Variants in SIRPG observed in about 807,000 individuals in gnomAD.
The protein encoded by SIRPG is signal regulatory protein gamma.
A neutral mutation model predicts 35.7 loss-of-function variants in SIRPG; 38 were observed. The observed-to-expected ratio is 1.06, with a 90% CI of 0.82 to 1.40. The LOEUF (loss-of-function observed/expected upper bound fraction) is 1.40. Ranked by LOEUF, SIRPG falls within the 40% of genes most tolerant of loss-of-function variation. The pLI is 0.00. For synonymous variants in SIRPG, 215 were observed against 190.4 expected, an observed-to-expected ratio of 1.13 and a Z score of -1.06; for missense variants, 519 against 483.0, an observed-to-expected ratio of 1.07 and a Z score of -0.70.
intron 1 of SIRPG, among the ~76,000 whole-genome samples, chr20:1,651,708 C>T (rs1472797539): frequency 6.6e-6 from 1 of 152,064 alleles, no homozygotes; most frequent in Non-Finnish European, 1.5e-5. Flanking sequence ...CTGATTGGCT[C>T]CACAATTTGA....
the SIRPG span, among the ~76,000 whole-genome samples, chr20:1,664,535 T>C: frequency 6.6e-6 from 1 of 152,148 alleles, no homozygotes; most frequent in African/African-American, 2.4e-5. Context: ...AGGGGGATGC[T>C]GTGAGTCAGT....
Position 1,657,706 on chromosome 20 carries a change from G to C in SIRPG, c.9C>G (p.Val3=). MP[V]PASWPHPPGP... is the part of the protein sequence containing the mutation. ...CAGGAGGATGGGGCCAGGAGGCTGG[G>C]ACAGGCATTTTGGAGACCTCAGAAG... is the stretch of plus-strand genomic sequence containing the variant. The change falls in exon 1 of 6, where the codon GTC becomes GTG. Residue 3 remains valine (V), a synonymous_variant. Transcript: ENST00000303415. 1 of 1,614,166 alleles carries C rather than the reference G, an allele frequency of 6.2e-7. No homozygotes were observed. The highest frequency in any genetic ancestry group is 8.5e-7 in the Non-Finnish European group (1 of 1,180,010).
chr20:1,655,584 T>C (rs2091970360), intron 1 of SIRPG, among the ~76,000 whole-genome samples: 1 of 152,132 alleles, frequency 6.6e-6, no homozygotes, highest in South Asian at 2.1e-4. Flanking sequence ...ATAAGAGAAA[T>C]AAGTTCAAGA....
rs773575376 is a variant in SIRPG, at chr20:1,635,544, G to A, written c.804C>T (p.Asn268=). ...AGAACTTCCTCACCTGGCAGGTGACGTTTACCTGGTTCCCCACCCTCATGG... is the reference window on the plus strand; with the variant it reads ...AGAACTTCCTCACCTGGCAGGTGACATTTACCTGGTTCCCCACCCTCATGG... ...QQPMRVGNQV[N]VTCQVRKFYP... Residue 268 remains asparagine (N), a synonymous_variant, in exon 4 of 6, where the codon AAC becomes AAT. Transcript: ENST00000303415. 5.6e-6 allele frequency: 9 copies of A among 1,614,130 alleles called. No individual in the cohort carries two copies. The highest frequency in any genetic ancestry group is 4.5e-5 in the East Asian group (2 of 44,888).
At chr20:1,666,126 GAA>G in the SIRPG span, among the ~76,000 whole-genome samples, 14 of 116,906 alleles carry the variant, frequency 1.2e-4, no homozygotes, top group South Asian at 1.3e-3. Flanking sequence ...GTTTAAAAAA[GAA>G]AAAAAAAAAA....
the SIRPG span, among the ~76,000 whole-genome samples, chr20:1,668,255 T>TTCTTTC: frequency 1.4e-5 from 2 of 140,074 alleles, no homozygotes; most frequent in African/African-American, 5.3e-5. Flanking sequence ...TTCTTTTTCT[T>TTCTTTC]TTTCTTTTTC....
In SIRPG at chr20:1,649,310, G is replaced by A. The variant is rs1056739709; in HGVS notation, c.172C>T (p.Leu58=). The change falls in exon 2 of 6, where the codon CTG becomes TTG. Residue 58 remains leucine (L), a synonymous_variant. Coordinates refer to ENST00000303415, the MANE Select transcript of SIRPG (RefSeq NM_018556.4). ...CACAGGACGGGTCCCACGGGAAGCA[G>A]GGAGGTCACAGTGCAGTGCAGAGTG... ...TATLHCTVTS[L]LPVGPVLWFR... 6.8e-6 allele frequency: 11 copies of A among 1,614,150 alleles called. No homozygotes were observed. The African/African-American group carries it at 1.1e-4, about 16-fold the overall frequency.
intron 2 of SIRPG, among the ~76,000 whole-genome samples, chr20:1,644,404 C>A (rs6110763): frequency 0.022 from 3,318 of 152,330 alleles, 113 homozygotes; most frequent in African/African-American, 0.075. Flanking sequence ...AGCCATCTAG[C>A]CTCCCTGGCT....
At chr20:1,651,899 C>T (rs927882240) in intron 1 of SIRPG, among the ~76,000 whole-genome samples, 2 of 152,168 alleles carry the variant, frequency 1.3e-5, no homozygotes, top group Non-Finnish European at 2.9e-5. Context: ...AAAGAAGACT[C>T]ATGTGATACT....
rs984858770 is a variant in SIRPG at position 1,630,313 on chromosome 20, A to G, written c.1082-7T>C. On this transcript the variant is annotated splice_polypyrimidine_tract_variant and splice_region_variant and intron_variant, in intron 4 of 5. Transcript: ENST00000303415. ...GTAAGGGATGATGCCGGGCCTGGAA[A>G]TCAGGGAAGACGAGGGGCTATGAGA... The G allele has an allele frequency of 5.8e-6, 9 of 1,553,838 alleles. No homozygotes were observed. The highest frequency in any genetic ancestry group is 7.8e-6 in the Non-Finnish European group (9 of 1,147,888).
rs1471293832 is a variant in SIRPG at position 1,635,447 on chromosome 20, T to G, written c.901A>C (p.Thr301Pro). Residue 301 changes from threonine to proline, a missense_variant, in exon 4 of 6, where the codon ACA (threonine) becomes CCA (proline). By Grantham distance (38) the Thr-to-Pro change is conservative. Coordinates refer to ENST00000303415, the MANE Select transcript of SIRPG (RefSeq NM_018556.4). ...TTGTAGGTACCATCCTTGTTCTCTG[T>G]AAGGGTCGAGGCTGTTTCTCTCTGG... is the stretch of plus-strand genomic sequence containing the variant. ...VCQRETASTL[T>P]ENKDGTYNWT... The G allele has an allele frequency of 6.2e-7, 1 of 1,614,138 alleles. No homozygotes were observed. Among genetic ancestry groups the G allele is most frequent in the South Asian group, 1.1e-5 (1 of 91,078 alleles).
chr20:1,665,278 TAC>T, the SIRPG span: 1 of 165,838 alleles, frequency 6.0e-6, no homozygotes, highest in Non-Finnish European at 1.3e-5. Flanking sequence ...TCCCCACACT[TAC>T]AGTCAGGCCT....
chr20:1,643,608 C>A (rs1438078627), intron 2 of SIRPG, among the ~76,000 whole-genome samples: 2 of 152,236 alleles, frequency 1.3e-5, no homozygotes, highest in East Asian at 1.9e-4. Flanking sequence ...AGTTTTGCAC[C>A]CCTGCTGGAG....
At chr20:1,663,904 C>T in the SIRPG span, among the ~76,000 whole-genome samples, 15 of 152,254 alleles carry the variant, frequency 9.9e-5, no homozygotes, top group Non-Finnish European at 1.5e-4. Context: ...TAAAGAAATA[C>T]CTGAGGCTGG....
chr20:1,652,520 C>T (rs977758418), intron 1 of SIRPG, among the ~76,000 whole-genome samples: 1 of 152,070 alleles, frequency 6.6e-6, no homozygotes, highest in African/African-American at 2.4e-5. Context: ...GTATTTATTC[C>T]TGGAATATGA....
the SIRPG span, among the ~76,000 whole-genome samples, chr20:1,682,915 G>A: frequency 6.6e-6 from 1 of 152,020 alleles, no homozygotes. Flanking sequence ...AATGAATGTG[G>A]GATTACATAC....
chr20:1,668,010 A>G, the SIRPG span, among the ~76,000 whole-genome samples: 1 of 152,206 alleles, frequency 6.6e-6, no homozygotes, highest in Admixed American at 6.5e-5. Flanking sequence ...ATTACTCAGG[A>G]TGTATCCCCT....
At chr20:1,681,948 T>C in the SIRPG span, among the ~76,000 whole-genome samples, 9 of 88,646 alleles carry the variant, frequency 1.0e-4, no homozygotes, top group Non-Finnish European at 2.1e-4. Context: ...TGGATATGGA[T>C]ATAACTAATA....
Position 1,657,773 on chromosome 20 carries a change from C to T in SIRPG, c.-59G>A. The T allele has an allele frequency of 2.0e-6, 3 of 1,518,916 alleles. No individual in the cohort carries two copies. Among genetic ancestry groups the T allele is most frequent in the Non-Finnish European group, 2.7e-6 (3 of 1,101,830 alleles). 94.1% of individuals were successfully genotyped at this position (1,518,916 alleles called of 1,614,324 possible). A position where few individuals can be genotyped will look rare whatever the true frequency, so the allele number is the denominator to read the frequency against. On this transcript the variant is annotated 5_prime_UTR_variant, in exon 1 of 6. Transcript: ENST00000303415. Reference sequence around the variant, plus strand: ...GTCTGTTCTGGGGAGATGTCAGGCCCTGCTCTGAAGACAGAAGACAAGCCC... The same window carrying T: ...GTCTGTTCTGGGGAGATGTCAGGCCTTGCTCTGAAGACAGAAGACAAGCCC...
Sources: allele counts gnomAD v4.1 joint callset (sites outside exome capture counted in the v4.1 genomes callset), GRCh38; gene constraint gnomAD v4.1.1; transcripts MANE v1.5; gene names NCBI Gene and HGNC (gene_info 2026-07-23, HGNC 2026-07-21).